TNPO1: variants seen among roughly 807,000 people sequenced by gnomAD.
TNPO1 encodes transportin-1.
A neutral mutation model predicts 119.5 loss-of-function variants in TNPO1; 8 were observed. The ratio of observed to expected loss-of-function variants is 0.07; its 90% CI spans 0.04 to 0.12. The LOEUF is 0.12. Ranked by LOEUF, TNPO1 falls within the 10% of genes least tolerant of loss-of-function variation. The pLI, the probability that TNPO1 is intolerant of heterozygous loss-of-function variation, is 1.00. For missense variants in TNPO1, 576 were observed against 1,089.8 expected, an observed-to-expected ratio of 0.53 and a Z score of 6.64; for synonymous variants, 362 against 363.0, an observed-to-expected ratio of 1.00 and a Z score of 0.03.
rs1214928617 is a variant in TNPO1 at position 72,910,754 on chromosome 5, A to G, written c.*2081A>G. 1 of 152,068 alleles carries G rather than the reference A, an allele frequency of 6.6e-6. No homozygotes were observed. Among genetic ancestry groups the G allele is most frequent in the Non-Finnish European group, 1.5e-5 (1 of 67,934 alleles). The allele number at this position is 152,068 out of a possible 1,614,324, so 9.4% of individuals were successfully genotyped here. On this transcript the variant is annotated 3_prime_UTR_variant, in exon 25 of 25. Transcript: ENST00000337273. ...AATTTATACTGTTTCAAAAATTTCA[A>G]ATGCATGGTAGCATGTAGAAAGGTT...
chr5:72,877,473 T>G (rs1747882926), intron 9 of TNPO1, 127 bp downstream of exon 9: 1 of 510,066 alleles, frequency 2.0e-6, no homozygotes, highest in Non-Finnish European at 3.4e-6. Context: ...CCAGACTTAA[T>G]TTTATTGTTG....
intron 1 of TNPO1, chr5:72,825,698 A>G (rs1236898392): frequency 6.6e-6 from 1 of 152,206 alleles, no homozygotes; most frequent in Non-Finnish European, 1.5e-5. Context: ...AAACAAAACA[A>G]AACTCTAGAG....
chr5:72,848,236 G>A (rs1328624970), intron 1 of TNPO1, 149 bp from the exon 2 acceptor site: 6 of 1,259,190 alleles, frequency 4.8e-6, no homozygotes, highest in Non-Finnish European at 4.0e-6. Context: ...GACTTCCTTC[G>A]GGGCACCTCA....
intron 6 of TNPO1, among the ~76,000 whole-genome samples, chr5:72,867,184 C>G (rs972533074): frequency 6.8e-6 from 1 of 147,700 alleles, no homozygotes; most frequent in Admixed American, 6.8e-5. Context: ...AAAAAAAATT[C>G]CTTTCCATGA....
intron 7 of TNPO1, among the ~76,000 whole-genome samples, chr5:72,873,292 T>A (rs1057248165): frequency 3.9e-5 from 6 of 152,146 alleles, no homozygotes; most frequent in African/African-American, 1.4e-4. Flanking sequence ...CTCTGCTACT[T>A]GATAACAATT....
chr5:72,846,069 C>T (rs539934401), intron 1 of TNPO1, among the ~76,000 whole-genome samples: 1 of 152,304 alleles, frequency 6.6e-6, no homozygotes, highest in Admixed American at 6.5e-5. Flanking sequence ...ATAAAGGAAA[C>T]ATTCATATTG....
intron 1 of TNPO1, among the ~76,000 whole-genome samples, chr5:72,832,123 C>T (rs1190768445): frequency 6.6e-6 from 1 of 151,852 alleles, no homozygotes; most frequent in Non-Finnish European, 1.5e-5. Context: ...ATCATGAGGA[C>T]AAAGTGTATG....
At chr5:72,865,849 G>T in intron 6 of TNPO1, 120 bp downstream of exon 6, 1 of 1,074,864 alleles carries the variant, frequency 9.3e-7, no homozygotes, top group East Asian at 2.5e-5. Flanking sequence ...ATGTTCCAGA[G>T]AGGTGAACTT....
intron 10 of TNPO1, 96 bp downstream of exon 10, chr5:72,882,623 C>T: frequency 2.5e-6 from 2 of 803,804 alleles, no homozygotes; most frequent in Non-Finnish European, 4.1e-6. Flanking sequence ...GAGAATAGAT[C>T]TCCTGTAAAT....
chr5:72,847,322 T>C (rs1248068273), intron 1 of TNPO1, among the ~76,000 whole-genome samples: 1 of 152,230 alleles, frequency 6.6e-6, no homozygotes, highest in Non-Finnish European at 1.5e-5. Flanking sequence ...ACTTACATTT[T>C]GTTGTTTTTG....
intron 18 of TNPO1, among the ~76,000 whole-genome samples, chr5:72,896,254 A>G (rs768036332): frequency 6.6e-6 from 1 of 152,208 alleles, no homozygotes. Flanking sequence ...TAAGATAAAC[A>G]TTACCAACTC....
chr5:72,823,760 A>G (rs1185749147), intron 1 of TNPO1, among the ~76,000 whole-genome samples: 1 of 151,918 alleles, frequency 6.6e-6, no homozygotes, highest in East Asian at 1.9e-4. Context: ...TTTTTTTTGC[A>G]CTTGCCCCTA....
chr5:72,883,177 A>C lies in TNPO1; in HGVS notation c.1095A>C (p.Glu365Asp), dbSNP rs374482836. Residue 365 changes from glutamate (E) to aspartate (D), a missense_variant, in exon 11 of 25, where the codon GAA becomes GAC. This residue lies in a region of TNPO1 where 310 missense variants were observed against 583.0 expected (regional missense o/e 0.53). Coordinates refer to ENST00000337273, the MANE Select transcript of TNPO1 (RefSeq NM_002270.4). ...QQHDEDGIEE[E>D]DDDDDEIDDD... is the part of the protein sequence containing the mutation. ...ATGATGAAGATGGAATTGAAGAGGA[A>C]GATGATGATGATGATGAAATTGATG... 7.7e-5 allele frequency: 124 copies of C among 1,602,530 alleles called. No individual in the cohort carries two copies. In the Middle Eastern group the frequency reaches 1.3e-3, roughly 17 times the overall value.
intron 9 of TNPO1, 74 bp from the exon 10 acceptor site, chr5:72,882,393 A>G (rs1748308521): frequency 9.0e-7 from 1 of 1,112,100 alleles, no homozygotes; most frequent in Non-Finnish European, 1.3e-6. Context: ...TTATTAGTAC[A>G]TGTAAGGTTA....
intron 1 of TNPO1, among the ~76,000 whole-genome samples, chr5:72,825,457 G>T (rs1028626008): frequency 2.0e-5 from 3 of 152,202 alleles, no homozygotes; most frequent in Admixed American, 1.3e-4. Context: ...GGAGGCTGAG[G>T]TGGGCGGATC....
chr5:72,844,083 G>T (rs1745027762), intron 1 of TNPO1, among the ~76,000 whole-genome samples: 1 of 152,180 alleles, frequency 6.6e-6, no homozygotes, highest in Admixed American at 6.5e-5. Context: ...TGTTGAATCG[G>T]ACTCTGCCAG....
At chr5:72,820,242 A>T (rs950688845) in intron 1 of TNPO1, among the ~76,000 whole-genome samples, 3 of 152,218 alleles carry the variant, frequency 2.0e-5, no homozygotes, top group Admixed American at 6.5e-5. Flanking sequence ...GAAACACTGC[A>T]ATGAACATCC....
intron 2 of TNPO1, among the ~76,000 whole-genome samples, chr5:72,850,060 TTC>T (rs1745428492): frequency 6.6e-6 from 1 of 152,156 alleles, no homozygotes; most frequent in Admixed American, 6.5e-5. Flanking sequence ...AAGAACAACT[TTC>T]TGTTGCTGTG....
intron 1 of TNPO1, among the ~76,000 whole-genome samples, chr5:72,846,709 C>T: frequency 6.6e-6 from 1 of 152,172 alleles, no homozygotes; most frequent in East Asian, 1.9e-4. Context: ...TCTTCATACT[C>T]AGCGATCTCT....
Sources: gnomAD v4.1 joint callset for allele counts (sites outside exome capture counted in the v4.1 genomes callset) on GRCh38, gnomAD v4.1.1 for gene constraint, gnomAD v4.1.1 regional missense constraint, MANE v1.5 for transcripts, NCBI Gene and HGNC (gene_info 2026-07-23, HGNC 2026-07-21) for gene names.